WDR17: variants seen among roughly 807,000 people sequenced by gnomAD.
The protein encoded by WDR17 is WD repeat-containing protein 17.
Under a neutral mutation model 161.7 loss-of-function variants are expected in WDR17, and 143 were observed. The observed-to-expected ratio is 0.88, with a 90% CI of 0.77 to 1.02. WDR17 has a LOEUF of 1.02. Ranked by LOEUF, WDR17 falls within the 50% of genes least tolerant of loss-of-function variation. The pLI is 0.00. For synonymous variants in WDR17, 517 were observed against 515.6 expected, an observed-to-expected ratio of 1.00 and a Z score of -0.04; for missense variants, 1,469 against 1,520.9, an observed-to-expected ratio of 0.97 and a Z score of 0.57.
At position 176,115,800 on chromosome 4, in the gene WDR17, A is replaced by T. The variant is rs775785535; in HGVS notation, c.128A>T (p.Asp43Val). 6.3e-7 allele frequency: 1 copy of T among 1,593,004 alleles called. No individual in the cohort carries two copies. Among genetic ancestry groups the T allele is most frequent in the Non-Finnish European group, 8.5e-7 (1 of 1,170,928 alleles). ...ATLAIYIYQL[D>V]HRYNEFKLHA... ...TATTTATATATTTTGTTTTAGTTGG[A>T]TCACCGTTATAATGAATTCAAACTT... The change falls in exon 3 of 29, where the codon GAT (aspartate) becomes GTT (valine). Residue 43 changes from aspartate to valine, a missense_variant. Coordinates refer to ENST00000508596, the MANE Select transcript of WDR17 (RefSeq NM_181265.4).
intron 1 of WDR17, among the ~76,000 whole-genome samples, chr4:176,079,290 A>T (rs1734453829): frequency 6.6e-6 from 1 of 151,976 alleles, no homozygotes; most frequent in Non-Finnish European, 1.5e-5. Context: ...TTTACGTTTG[A>T]TCCTACATTT....
chr4:176,114,218 T>C (rs912544739), intron 2 of WDR17, among the ~76,000 whole-genome samples: 1 of 152,088 alleles, frequency 6.6e-6, no homozygotes, highest in Non-Finnish European at 1.5e-5. Flanking sequence ...TAAAAACCTA[T>C]TTATTCCTAA....
intron 25 of WDR17, among the ~76,000 whole-genome samples, chr4:176,173,807 G>A (rs1751087471): frequency 6.6e-6 from 1 of 151,640 alleles, no homozygotes; most frequent in Non-Finnish European, 1.5e-5. Flanking sequence ...GAGCCACTGC[G>A]CCTGGCCGTT....
intron 2 of WDR17, 38 bp downstream of exon 2, chr4:176,111,741 G>A (rs375270666): frequency 2.2e-5 from 33 of 1,480,446 alleles, no homozygotes; most frequent in African/African-American, 1.2e-4. Flanking sequence ...AATTATATCC[G>A]GTAAAATTAA....
intron 1 of WDR17, among the ~76,000 whole-genome samples, chr4:176,108,276 T>G (rs1287856774): frequency 6.6e-6 from 1 of 152,144 alleles, no homozygotes; most frequent in Non-Finnish European, 1.5e-5. Flanking sequence ...TGAAAAGACA[T>G]GAAGCCAAAC....
At position 176,156,239 on chromosome 4, in the gene WDR17, ATTC is replaced by A. The variant is rs1373924208; in HGVS notation, c.2525+99_2525+101del. ...ATGGCAGTAGCTCTTGAAATTTCTT[ATTC>A]TTATGTTGTCTTAAATAACAATTAA... On this transcript the variant is annotated intron_variant, in intron 18 of 28. Transcript: ENST00000508596. 4.3e-6 allele frequency: 5 copies of A among 1,160,678 alleles called. No homozygotes were observed. In the East Asian group the frequency reaches 1.3e-4, roughly 30 times the overall value. 71.9% of individuals were successfully genotyped at this position (1,160,678 alleles called of 1,614,324 possible). A position where few individuals can be genotyped will look rare whatever the true frequency, so the allele number is the denominator to read the frequency against.
In WDR17 at chr4:176,167,666, A is replaced by AAAAC. The variant is rs1750064345; in HGVS notation, c.2991-1003_2991-1002insCAAA. 7.1e-5 allele frequency among the ~76,000 whole-genome samples: 10 copies of AAAAC among 139,866 alleles called. 1 individual carries two copies. The highest frequency in any genetic ancestry group is 1.6e-4 in the Non-Finnish European group (10 of 63,154). The allele number at this position is 139,866 out of a possible 152,430, so 91.8% of individuals were successfully genotyped here. On this transcript the variant is annotated intron_variant, in intron 22 of 28. Transcript: ENST00000508596. ...TCTCAAAAAAAAAAAAAAAAAAAAA[A>AAAAC]AAAAAACAATATCTTGAATTATTGA...
At chr4:176,093,468 CTACTT>C (rs1165122882) in intron 1 of WDR17, among the ~76,000 whole-genome samples, 1 of 152,072 alleles carries the variant, frequency 6.6e-6, no homozygotes, top group African/African-American at 2.4e-5. Flanking sequence ...ACAATGAAAA[CTACTT>C]TACTTCATTT....
At chr4:176,174,511 A>G (rs1188384077) in intron 25 of WDR17, 106 bp from the exon 26 acceptor site, 3 of 753,104 alleles carry the variant, frequency 4.0e-6, no homozygotes, top group Non-Finnish European at 5.9e-6. Context: ...ATATATTGCT[A>G]TAAATGTCAC....
chr4:176,075,205 A>G (rs1561064831), intron 1 of WDR17, among the ~76,000 whole-genome samples: 1 of 149,118 alleles, frequency 6.7e-6, no homozygotes, highest in Non-Finnish European at 1.5e-5. Flanking sequence ...AACAAAAAAA[A>G]TTCAAGATTT....
chr4:176,135,447 A>G (rs1177646261), intron 8 of WDR17, 171 bp downstream of exon 8: 11 of 704,752 alleles, frequency 1.6e-5, no homozygotes, highest in South Asian at 1.3e-4. Context: ...AGAAGAGTCT[A>G]TCTGCAGAGG....
chr4:176,110,888 A>G (rs1739608377), intron 1 of WDR17, among the ~76,000 whole-genome samples: 1 of 152,114 alleles, frequency 6.6e-6, no homozygotes, highest in African/African-American at 2.4e-5. Flanking sequence ...CGTTGTCTGC[A>G]TCTCTGGGGT....
chr4:176,131,564 A>G lies in WDR17; in HGVS notation c.924A>G (p.Gln308=), dbSNP rs150847957. 5.6e-6 allele frequency: 9 copies of G among 1,605,828 alleles called. No individual in the cohort carries two copies. The Admixed American group carries it at 8.5e-5, about 15-fold the overall frequency. Residue 308 remains glutamine (Q), a synonymous_variant, in exon 7 of 29, where the codon CAA becomes CAG. Coordinates refer to ENST00000508596, the MANE Select transcript of WDR17 (RefSeq NM_181265.4). ...TTCTTCTATTTTTAGTTTCAGTCCA[A>G]TCTCCAACCAAAAATCATTATACAT... ...NSPPRKKFSV[Q]SPTKNHYTSS...
intron 7 of WDR17, among the ~76,000 whole-genome samples, chr4:176,134,621 C>A (rs1199404138): frequency 6.6e-6 from 1 of 151,542 alleles, no homozygotes; most frequent in East Asian, 1.9e-4. Context: ...CTGTTTCTGC[C>A]AAAATTATGA....
intron 1 of WDR17, among the ~76,000 whole-genome samples, chr4:176,093,673 C>T (rs1426807268): frequency 6.6e-6 from 1 of 151,988 alleles, no homozygotes; most frequent in Non-Finnish European, 1.5e-5. Flanking sequence ...TCAAAAGTTT[C>T]TTCTTACCTC....
At chr4:176,127,348 A>C (rs1034427087) in intron 5 of WDR17, among the ~76,000 whole-genome samples, 2 of 150,544 alleles carry the variant, frequency 1.3e-5, no homozygotes, top group African/African-American at 4.9e-5. Context: ...GCTGGAGTGC[A>C]GTGGTGCAAT....
chr4:176,134,437 A>T (rs1017537120), intron 7 of WDR17, among the ~76,000 whole-genome samples: 1 of 151,746 alleles, frequency 6.6e-6, no homozygotes, highest in Non-Finnish European at 1.5e-5. Context: ...GTAGTTAAGC[A>T]CTACTTTACT....
At chr4:176,130,745 A>G (rs1298932559) in intron 6 of WDR17, among the ~76,000 whole-genome samples, 3 of 123,100 alleles carry the variant, frequency 2.4e-5, no homozygotes, top group African/African-American at 6.4e-5. Context: ...ACTCCGTCTC[A>G]AAAAAAAAAA....
intron 9 of WDR17, among the ~76,000 whole-genome samples, chr4:176,138,664 T>C (rs1744782801): frequency 6.6e-6 from 1 of 151,804 alleles, no homozygotes; most frequent in Admixed American, 6.6e-5. Flanking sequence ...TCAAAAATTG[T>C]ATATCTTTAC....
Sources: allele counts gnomAD v4.1 joint callset (sites outside exome capture counted in the v4.1 genomes callset), GRCh38; gene constraint gnomAD v4.1.1; transcripts MANE v1.5; gene names NCBI Gene and HGNC (gene_info 2026-07-23, HGNC 2026-07-21).